SLC12A9: variants seen among roughly 807,000 people sequenced by gnomAD.
SLC12A9 encodes the protein CCC-interacting protein 1.
Under a neutral mutation model 66.0 loss-of-function variants are expected in SLC12A9, and 55 were observed. The observed-to-expected ratio is 0.83, with a 90% CI of 0.67 to 1.04. The LOEUF is 1.04. Ranked by LOEUF, SLC12A9 falls within the 50% of genes least tolerant of loss-of-function variation. SLC12A9 has a pLI of 0.00. For synonymous variants in SLC12A9, 577 were observed against 569.0 expected, an observed-to-expected ratio of 1.01 and a Z score of -0.20; for missense variants, 1,061 against 1,241.9, an observed-to-expected ratio of 0.85 and a Z score of 2.19.
At chr7:100,828,796 C>T (rs554220498) in intron 1 of SLC12A9, among the ~76,000 whole-genome samples, 15 of 152,184 alleles carry the variant, frequency 9.9e-5, no homozygotes. Context: ...TGCCAACTCC[C>T]CTCACCCTCC....
At chr7:100,853,798 G>A (rs1417619074) in intron 1 of SLC12A9, among the ~76,000 whole-genome samples, 2 of 151,748 alleles carry the variant, frequency 1.3e-5, no homozygotes, top group African/African-American at 2.4e-5. Context: ...GTGTGATGTC[G>A]GCTCACTGCA....
At chr7:100,848,743 G>T (rs12669944), upstream of SLC12A9, among the ~76,000 whole-genome samples, 1 of 151,244 alleles carries the variant, frequency 6.6e-6, no homozygotes, top group Admixed American at 6.6e-5. Flanking sequence ...AAAATTAGCC[G>T]TGCGTGGTGG....
At chr7:100,836,694 A>G (rs559180623) in intron 1 of SLC12A9, among the ~76,000 whole-genome samples, 1 of 152,094 alleles carries the variant, frequency 6.6e-6, no homozygotes, top group South Asian at 2.1e-4. Flanking sequence ...CTGTTCTTGC[A>G]GGAAGGGCGC....
chr7:100,865,421 ATCC>A, intron 13 of SLC12A9: 2 of 1,536,198 alleles, frequency 1.3e-6, no homozygotes, highest in Non-Finnish European at 1.7e-6. Flanking sequence ...AGTGGACAGC[ATCC>A]TCCTCTCCAT....
intron 1 of SLC12A9, among the ~76,000 whole-genome samples, chr7:100,828,953 A>G (rs1259725030): frequency 6.6e-6 from 1 of 152,034 alleles, no homozygotes; most frequent in East Asian, 1.9e-4. Flanking sequence ...GGCAGAAGGA[A>G]AGGACTTAGA....
At chr7:100,832,414 C>G (rs897978517) in intron 1 of SLC12A9, among the ~76,000 whole-genome samples, 1 of 151,484 alleles carries the variant, frequency 6.6e-6, no homozygotes, top group African/African-American at 2.4e-5. Flanking sequence ...CTGGGGAGGC[C>G]GAGGTGGGAG....
Position 100,856,952 on chromosome 7 carries a change from T to A in SLC12A9, c.533T>A (p.Val178Glu), listed in dbSNP as rs1290482326. The A allele has an allele frequency of 1.2e-6, 2 of 1,613,556 alleles. No individual in the cohort carries two copies. The highest frequency in any genetic ancestry group is 3.3e-5 in the Admixed American group (2 of 60,024). ...LLYGSLLLGL[V>E]GGVCTLGAGL... ...TATGGCTCCCTGCTGCTGGGCCTTG[T>A]GGGTGGGGTCTGCACCCTGGGAGCC... The change falls in exon 5 of 14, where the codon GTG becomes GAG. Residue 178 changes from valine to glutamate, a missense_variant. By Grantham distance (121) the Val-to-Glu change is moderately radical. Transcript: ENST00000354161.
At chr7:100,860,261 C>T (rs1376847281) in intron 9 of SLC12A9, 29 bp downstream of exon 9, 1 of 1,605,498 alleles carries the variant, frequency 6.2e-7, no homozygotes, top group African/African-American at 1.3e-5. Context: ...GGGGCCCTTT[C>T]CCTCACCCCA....
At chr7:100,829,356 A>G (rs1813497655) in intron 1 of SLC12A9, among the ~76,000 whole-genome samples, 1 of 152,196 alleles carries the variant, frequency 6.6e-6, no homozygotes, top group African/African-American at 2.4e-5. Flanking sequence ...GTTGGAGTCC[A>G]GGATGCTTGG....
chr7:100,836,815 C>T (rs962625561), intron 1 of SLC12A9, among the ~76,000 whole-genome samples: 2 of 142,530 alleles, frequency 1.4e-5, no homozygotes, highest in South Asian at 2.2e-4. Context: ...GGGAGGGGGG[C>T]GCAGATTCAC....
intron 1 of SLC12A9, among the ~76,000 whole-genome samples, chr7:100,833,736 A>G (rs1584675582): frequency 6.6e-6 from 1 of 151,744 alleles, no homozygotes; most frequent in African/African-American, 2.4e-5. Flanking sequence ...AGATCGAGAC[A>G]ATCCTGGCTA....
chr7:100,863,651 GCTGTGTGGGGCGGACGT>G (rs1814899845), intron 13 of SLC12A9, among the ~76,000 whole-genome samples: 1 of 152,234 alleles, frequency 6.6e-6, no homozygotes, highest in Non-Finnish European at 1.5e-5. Flanking sequence ...GATGCCGGAG[GCTGTGTGGGGCGGACGT>G]CTGTGGATGG....
In SLC12A9 at chr7:100,866,548, C is replaced by A. The variant is rs769761795; in HGVS notation, c.2688C>A (p.Asp896Glu). 2 of 1,586,872 alleles carry A rather than the reference C, an allele frequency of 1.3e-6. No homozygotes were observed. Among genetic ancestry groups the A allele is most frequent in the Non-Finnish European group, 8.6e-7 (1 of 1,167,856 alleles). ...YLALLETLTR[D>E]LGPTLLVHGV... is the part of the protein sequence containing the mutation. ...CGCTACTGGAGACTCTAACCCGAGA[C>A]CTGGGCCCCACGCTGCTGGTTCATG... Residue 896 changes from aspartate (D) to glutamate (E), a missense_variant, in exon 14 of 14, where the codon GAC becomes GAA. Coordinates refer to ENST00000354161, the MANE Select transcript of SLC12A9 (RefSeq NM_020246.4). The surrounding 1 kb of genome is among the most constrained non-coding windows in gnomAD (Gnocchi z 7.3).
At chr7:100,858,301 A>G (rs1395611018) in intron 5 of SLC12A9, 1 of 152,370 alleles carries the variant, frequency 6.6e-6, no homozygotes, top group Non-Finnish European at 1.5e-5. Flanking sequence ...AATCCCAGCT[A>G]CCTGAGAGGC....
chr7:100,840,617 AAGAC>A (rs748727225), intron 1 of SLC12A9, among the ~76,000 whole-genome samples: 48 of 152,064 alleles, frequency 3.2e-4, no homozygotes, highest in Admixed American at 5.3e-4. Flanking sequence ...CAGAGAGGAA[AAGAC>A]AGACAGAGAG....
intron 1 of SLC12A9, among the ~76,000 whole-genome samples, chr7:100,829,854 C>T (rs1813508703): frequency 6.6e-6 from 1 of 151,384 alleles, no homozygotes; most frequent in African/African-American, 2.4e-5. Flanking sequence ...CATGGTGAAA[C>T]CCCTCTCTAC....
At position 100,861,708 on chromosome 7, in the gene SLC12A9, C is replaced by G. The variant is rs185231250; in HGVS notation, c.1537-29C>G. The G allele has an allele frequency of 7.6e-5, 122 of 1,614,010 alleles. No individual in the cohort carries two copies. In the East Asian group the frequency reaches 2.1e-3, roughly 27 times the overall value. On this transcript the variant is annotated intron_variant, in intron 11 of 13. Transcript: ENST00000354161. The surrounding 1 kb of genome is among the most constrained non-coding windows in gnomAD (Gnocchi z 5.3). The stretch of plus-strand genomic sequence containing the variant: ...CGGGGCTGTGCATTTGATCCTGCCA[C>G]TTCCCCACTGCCTCACCCCTATACC...
At chr7:100,853,829 A>T (rs1043967709) in intron 1 of SLC12A9, among the ~76,000 whole-genome samples, 2 of 152,026 alleles carry the variant, frequency 1.3e-5, no homozygotes, top group Non-Finnish European at 2.9e-5. Context: ...CCTGGGTTCA[A>T]GGGATTCTCC....
At chr7:100,839,302 C>T (rs1040350041) in intron 1 of SLC12A9, among the ~76,000 whole-genome samples, 5 of 151,564 alleles carry the variant, frequency 3.3e-5, no homozygotes, top group Admixed American at 1.3e-4. Context: ...CCAGCCTGGG[C>T]GACAGAGTGA....
Sources: gnomAD v4.1 joint callset for allele counts (sites outside exome capture counted in the v4.1 genomes callset) on GRCh38, gnomAD v4.1.1 for gene constraint, Gnocchi (gnomAD v3.1) non-coding constraint, MANE v1.5 for transcripts, NCBI Gene and HGNC (gene_info 2026-07-23, HGNC 2026-07-21) for gene names.